The following PCDHGA2 variants were observed in gnomAD, a reference collection of about 807,000 sequenced individuals.
PCDHGA2 encodes protocadherin gamma-A2.
PCDHGA2 carries 40 observed loss-of-function variants against 59.2 expected under a neutral mutation model. That is an observed-to-expected ratio of 0.68 (90% CI 0.52 to 0.88). PCDHGA2 has a LOEUF of 0.88. Ranked by LOEUF, PCDHGA2 falls within the 40% of genes least tolerant of loss-of-function variation. The pLI is 0.00. For synonymous variants in PCDHGA2, 560 were observed against 526.0 expected, an observed-to-expected ratio of 1.06 and a Z score of -0.89; for missense variants, 1,226 against 1,204.0, an observed-to-expected ratio of 1.02 and a Z score of -0.27.
chr5:141,375,784 C>A (rs562973702), intron 1 of PCDHGA2: 7 of 1,614,254 alleles, frequency 4.3e-6, no homozygotes, highest in Non-Finnish European at 5.1e-6. Flanking sequence ...ACCCCGCCCT[C>A]CCCACAGACG....
At chr5:141,366,937 T>G in intron 1 of PCDHGA2, 1 of 860,432 alleles carries the variant, frequency 1.2e-6, no homozygotes, top group Non-Finnish European at 1.7e-6. Context: ...TTGGGAAGTC[T>G]AGCTGATATC....
chr5:141,503,608 A>AAAAAAAG (rs1483073868), intron 2 of PCDHGA2, among the ~76,000 whole-genome samples: 1 of 151,994 alleles, frequency 6.6e-6, no homozygotes, highest in East Asian at 1.9e-4. Flanking sequence ...CAAAAAAAAA[A>AAAAAAAG]AAAAAAGAAA....
intron 1 of PCDHGA2, among the ~76,000 whole-genome samples, chr5:141,373,247 G>A (rs558862045): frequency 1.3e-5 from 2 of 152,208 alleles, no homozygotes; most frequent in African/African-American, 4.8e-5. Context: ...ACTTCCCTTT[G>A]CATGTTTTTA....
intron 1 of PCDHGA2, chr5:141,388,406 C>T (rs770065402): frequency 1.9e-6 from 3 of 1,613,842 alleles, no homozygotes; most frequent in Non-Finnish European, 2.5e-6. Context: ...AACTCAGTCC[C>T]AGTGATCATT....
rs756833632 is a variant in PCDHGA2, at chr5:141,393,904, CA to C, written c.2424+52510del. Reference sequence around the variant, plus strand: ...GTGTTAGAAAATTCTCTTCCCGGGACAGTAATTGCCTTCTTGAGTGTGCATG... The same window carrying C: ...GTGTTAGAAAATTCTCTTCCCGGGACGTAATTGCCTTCTTGAGTGTGCATG... On this transcript the variant is annotated intron_variant, in intron 1 of 3. Transcript: ENST00000394576. The C allele has an allele frequency of 1.9e-6, 3 of 1,613,918 alleles. No individual in the cohort carries two copies. In the East Asian group the frequency reaches 6.7e-5, roughly 36 times the overall value.
intron 1 of PCDHGA2, chr5:141,410,939 C>T (rs960754863): frequency 5.1e-5 from 10 of 195,446 alleles, no homozygotes; most frequent in South Asian, 1.1e-4. Flanking sequence ...CTGCAACCTC[C>T]GCCTTCTGGG....
intron 1 of PCDHGA2, among the ~76,000 whole-genome samples, chr5:141,482,765 T>C (rs2099572013): frequency 7.9e-6 from 1 of 127,068 alleles, no homozygotes; most frequent in African/African-American, 3.6e-5. Flanking sequence ...TATTTCATTA[T>C]CACTGAACCT....
Position 141,485,209 on chromosome 5 carries a change from G to T in PCDHGA2, c.2425-9598G>T, listed in dbSNP as rs2099609420. The T allele has an allele frequency of 6.2e-7, 1 of 1,614,032 alleles. No individual in the cohort carries two copies. Among genetic ancestry groups the T allele is most frequent in the African/African-American group, 1.3e-5 (1 of 74,938 alleles). On this transcript the variant is annotated intron_variant, in intron 1 of 3. Transcript: ENST00000394576. This position sits in a 1 kb window ranked among gnomAD's most constrained non-coding sequence, Gnocchi z 5.7. Reference sequence around the variant, plus strand: ...AGGTGAGAAGCTGGACAGAAATCTGGCGGTGGGCTACCCTTTTGTTCCTCT... The same window carrying T: ...AGGTGAGAAGCTGGACAGAAATCTGTCGGTGGGCTACCCTTTTGTTCCTCT...
intron 1 of PCDHGA2, chr5:141,344,125 TC>T (rs1757369417): frequency 8.7e-6 from 14 of 1,613,900 alleles, no homozygotes; most frequent in Admixed American, 1.7e-5. Flanking sequence ...TCCGGTCAGA[TC>T]CGCTACTCGG....
chr5:141,384,465 T>C, intron 1 of PCDHGA2: 2 of 1,614,118 alleles, frequency 1.2e-6, no homozygotes, highest in Non-Finnish European at 1.7e-6. Flanking sequence ...CCTTTGATTA[T>C]GAGCAGTTGA....
chr5:141,383,861 C>T, intron 1 of PCDHGA2: 2 of 1,613,936 alleles, frequency 1.2e-6, no homozygotes, highest in Non-Finnish European at 8.5e-7. Context: ...GAGGTTCAGG[C>T]TCAAGATGGT....
intron 1 of PCDHGA2, among the ~76,000 whole-genome samples, chr5:141,439,243 T>C (rs2098101178): frequency 6.6e-6 from 1 of 151,962 alleles, no homozygotes; most frequent in Non-Finnish European, 1.5e-5. Flanking sequence ...CCTATACAAT[T>C]TCAGCTGAAG....
intron 1 of PCDHGA2, among the ~76,000 whole-genome samples, chr5:141,347,534 C>A (rs1461932058): frequency 1.3e-5 from 2 of 152,028 alleles, no homozygotes; most frequent in Non-Finnish European, 2.9e-5. Flanking sequence ...ATGCTGTAAT[C>A]CCAGCACTTT....
At position 141,487,063 on chromosome 5, in the gene PCDHGA2, G is replaced by A. The variant is rs754361361; in HGVS notation, c.2425-7744G>A. 39 of 1,614,086 alleles carry A rather than the reference G, an allele frequency of 2.4e-5. No individual in the cohort carries two copies. In the South Asian group the frequency reaches 3.7e-4, roughly 15 times the overall value. The stretch of plus-strand genomic sequence containing the variant: ...CTCGATATGCTGGGGAGGTGCGGAC[G>A]GCTGTTCCTATCCCAGCTGACCTCC... On this transcript the variant is annotated intron_variant, in intron 1 of 3. Transcript: ENST00000394576. The surrounding 1 kb of genome is among the most constrained non-coding windows in gnomAD (Gnocchi z 5.0).
rs1419377760 is a variant in PCDHGA2 at position 141,418,687 on chromosome 5, GATCACTT to G, written c.2425-76117_2425-76111del. ...ACCAGGACGAGGGCATCAACTCAGA[GATCACTT>G]ATTCCTTCTTTGGTGTGGCTGACAA... On this transcript the variant is annotated intron_variant, in intron 1 of 3. Transcript: ENST00000394576. 6 of 1,613,928 alleles carry G rather than the reference GATCACTT, an allele frequency of 3.7e-6. No individual in the cohort carries two copies. In the African/African-American group the frequency reaches 8.0e-5, roughly 22 times the overall value.
chr5:141,425,483 C>A (rs1172308088), intron 1 of PCDHGA2, among the ~76,000 whole-genome samples: 2 of 152,304 alleles, frequency 1.3e-5, no homozygotes, highest in Non-Finnish European at 2.9e-5. Flanking sequence ...CTATGGCAAC[C>A]TACTAGGCTA....
intron 1 of PCDHGA2, chr5:141,398,610 T>C: frequency 6.2e-7 from 1 of 1,614,020 alleles, no homozygotes. Context: ...AAGATGCAGA[T>C]ATTGGCTTAA....
chr5:141,404,596 G>A, intron 1 of PCDHGA2: 1 of 1,614,080 alleles, frequency 6.2e-7, no homozygotes, highest in Non-Finnish European at 8.5e-7. Context: ...ATGTGTCATT[G>A]AGACTGTTTG....
At position 141,477,130 on chromosome 5, in the gene PCDHGA2, G is replaced by C; in HGVS notation, c.2425-17677G>C. On this transcript the variant is annotated intron_variant, in intron 1 of 3. Coordinates refer to ENST00000394576, the MANE Select transcript of PCDHGA2 (RefSeq NM_018915.4). The surrounding 1 kb of genome is among the most constrained non-coding windows in gnomAD (Gnocchi z 4.9). ...ATCCCGAAGGAGCACATTGCAAAGT[G>C]TTGGTGGAGGTTGTGGATGTGAATG... 6.2e-7 allele frequency: 1 copy of C among 1,614,252 alleles called. No individual in the cohort carries two copies. The highest frequency in any genetic ancestry group is 2.2e-5 in the East Asian group (1 of 44,888).
Sources: gnomAD v4.1 joint callset for allele counts (sites outside exome capture counted in the v4.1 genomes callset) on GRCh38, gnomAD v4.1.1 for gene constraint, Gnocchi (gnomAD v3.1) non-coding constraint, MANE v1.5 for transcripts, NCBI Gene and HGNC (gene_info 2026-07-23, HGNC 2026-07-21) for gene names.